The following PLXNC1 variants were observed in gnomAD, a reference collection of about 807,000 sequenced individuals.
PLXNC1 encodes plexin-C1.
Under a neutral mutation model 178.2 loss-of-function variants are expected in PLXNC1, and 75 were observed. The observed-to-expected ratio is 0.42, with a 90% confidence interval of 0.35 to 0.51. The LOEUF is 0.51. Ranked by LOEUF, PLXNC1 falls within the 20% of genes least tolerant of loss-of-function variation. PLXNC1 has a pLI of 0.02. For synonymous variants in PLXNC1, 790 were observed against 779.9 expected (o/e 1.01, Z -0.22); for missense variants, 1,503 against 1,984.4 (o/e 0.76, Z 4.61).
Position 94,306,708 on chromosome 12 carries a change from G to A in PLXNC1, c.*1423G>A, listed in dbSNP as rs968386921. On this transcript the variant is annotated 3_prime_UTR_variant, in exon 31 of 31. Coordinates refer to ENST00000258526, the MANE Select transcript of PLXNC1 (RefSeq NM_005761.3). ...TTTACCAACACTGTATGGAGCATTA[G>A]GATTTAAATATGAATTTGTCTTAAA... is the stretch of plus-strand genomic sequence containing the variant. 3.9e-5 allele frequency: 6 copies of A among 152,088 alleles called. No individual in the cohort carries two copies. Among genetic ancestry groups the A allele is most frequent in the African/African-American group, 1.2e-4 (5 of 41,410 alleles). 9.4% of individuals were successfully genotyped at this position (152,088 alleles called of 1,614,324 possible).
At chr12:94,289,628 T>C (rs751747785) in intron 23 of PLXNC1, among the ~76,000 whole-genome samples, 1 of 152,218 alleles carries the variant, frequency 6.6e-6, no homozygotes, top group Non-Finnish European at 1.5e-5. Context: ...AATGGCATCT[T>C]TTTAACACTC....
In PLXNC1 at chr12:94,297,274, G is replaced by A. The variant is rs201775221; in HGVS notation, c.3967-42G>A. 2.5e-6 allele frequency: 4 copies of A among 1,613,030 alleles called. No individual in the cohort carries two copies. The East Asian group carries it at 6.7e-5, about 27-fold the overall frequency. On this transcript the variant is annotated intron_variant, in intron 25 of 30. Transcript: ENST00000258526. ...CTGAACTGCATGCCTTCTGTAGCAAGAGTGGTCTCCTTGGGTAACGCTTCT... is the reference window on the plus strand; with the variant it reads ...CTGAACTGCATGCCTTCTGTAGCAAAAGTGGTCTCCTTGGGTAACGCTTCT...
At chr12:94,248,890 C>A (rs985133467) in intron 14 of PLXNC1, among the ~76,000 whole-genome samples, 21 of 152,152 alleles carry the variant, frequency 1.4e-4, no homozygotes, top group African/African-American at 4.3e-4. Flanking sequence ...GTCATACTTT[C>A]TGCGATTAAT....
At chr12:94,256,644 A>C (rs1964850120) in intron 17 of PLXNC1, among the ~76,000 whole-genome samples, 1 of 152,228 alleles carries the variant, frequency 6.6e-6, no homozygotes, top group African/African-American at 2.4e-5. Flanking sequence ...ATCCCCATTA[A>C]GAATTTAAAA....
At position 94,275,780 on chromosome 12, in the gene PLXNC1, G is replaced by A. The variant is rs1351451925; in HGVS notation, c.3598-3692G>A. Among the ~76,000 whole-genome samples the A allele has an allele frequency of 8.8e-5, 8 of 91,074 alleles. No homozygotes were observed. The East Asian group carries it at 1.2e-3, about 14-fold the overall frequency. The allele number at this position is 91,074 out of a possible 152,430, so 59.7% of individuals were successfully genotyped here. A position where few individuals can be genotyped will look rare whatever the true frequency, so the allele number is the denominator to read the frequency against. On this transcript the variant is annotated intron_variant, in intron 21 of 30. Coordinates refer to ENST00000258526, the MANE Select transcript of PLXNC1 (RefSeq NM_005761.3). ...TGAGGCAGGAGAATGGCGTGAACCC[G>A]GGAGGCGGAGCTTGCAGTGAGCCGA...
At chr12:94,283,331 G>A (rs950056734) in intron 23 of PLXNC1, among the ~76,000 whole-genome samples, 12 of 152,306 alleles carry the variant, frequency 7.9e-5, no homozygotes, top group African/African-American at 2.2e-4. Flanking sequence ...GAGAGCATGC[G>A]TGTTAGACTA....
chr12:94,160,374 A>G (rs1961336781), intron 1 of PLXNC1, among the ~76,000 whole-genome samples: 1 of 152,184 alleles, frequency 6.6e-6, no homozygotes, highest in Non-Finnish European at 1.5e-5. Context: ...TGTTTTGAGG[A>G]AAAGTAAAAG....
intron 21 of PLXNC1, among the ~76,000 whole-genome samples, chr12:94,276,512 C>G (rs1965971368): frequency 6.6e-6 from 1 of 152,154 alleles, no homozygotes; most frequent in Non-Finnish European, 1.5e-5. Context: ...GCGGGGATGG[C>G]ATAGCCGAGG....
intron 5 of PLXNC1, among the ~76,000 whole-genome samples, chr12:94,219,485 T>A (rs1963730651): frequency 6.6e-6 from 1 of 152,166 alleles, no homozygotes; most frequent in African/African-American, 2.4e-5. Context: ...GTTGGAACAA[T>A]TTTATATTTG....
intron 5 of PLXNC1, 57 bp from the exon 6 acceptor site, chr12:94,219,959 T>C: frequency 3.2e-6 from 5 of 1,562,564 alleles, no homozygotes; most frequent in African/African-American, 1.4e-5. Context: ...TGAGGCTCTA[T>C]GATGGATGGA....
intron 9 of PLXNC1, among the ~76,000 whole-genome samples, chr12:94,233,247 G>A (rs1964156878): frequency 6.6e-6 from 1 of 152,212 alleles, no homozygotes; most frequent in African/African-American, 2.4e-5. Context: ...GGCTTAGTGA[G>A]GCAACTGAGG....
At chr12:94,171,066 G>A (rs938710061) in intron 2 of PLXNC1, among the ~76,000 whole-genome samples, 5 of 152,174 alleles carry the variant, frequency 3.3e-5, no homozygotes, top group African/African-American at 9.7e-5. Context: ...CAACCAAACC[G>A]CTACATGGTG....
At chr12:94,268,588 CTTTT>C (rs61265662) in intron 21 of PLXNC1, among the ~76,000 whole-genome samples, 2 of 90,884 alleles carry the variant, frequency 2.2e-5, no homozygotes, top group East Asian at 3.6e-4. Context: ...AGAATAAGAC[CTTTT>C]TTTTTTTTTT....
rs138183102 is a variant in PLXNC1, at chr12:94,288,387, G to A, written c.3879+5986G>A. Among the ~76,000 whole-genome samples the A allele has an allele frequency of 2.9e-3, 440 of 152,220 alleles. 9 individuals are homozygous for A. The South Asian group carries it at 0.054, about 19-fold the overall frequency. ...TTGAGTCTTAAGTGTTCAGGTCTTC[G>A]CAGTTTCCCACACATTCTTGGTGGC... On this transcript the variant is annotated intron_variant, in intron 23 of 30. Transcript: ENST00000258526.
At chr12:94,208,560 A>G (rs992319775) in intron 4 of PLXNC1, among the ~76,000 whole-genome samples, 1 of 152,166 alleles carries the variant, frequency 6.6e-6, no homozygotes, top group Admixed American at 6.5e-5. Context: ...TGTGGTCATC[A>G]TTTGGTTGCT....
intron 1 of PLXNC1, among the ~76,000 whole-genome samples, chr12:94,154,575 C>T (rs1961090073): frequency 6.6e-6 from 1 of 152,340 alleles, no homozygotes; most frequent in Middle Eastern, 3.4e-3. Context: ...GTGTACATGT[C>T]CACTGCCATG....
At chr12:94,290,660 A>G (rs1467018318) in intron 23 of PLXNC1, among the ~76,000 whole-genome samples, 1 of 152,244 alleles carries the variant, frequency 6.6e-6, no homozygotes, top group Non-Finnish European at 1.5e-5. Flanking sequence ...TGTAACCTGA[A>G]GGAGATTAGG....
intron 2 of PLXNC1, among the ~76,000 whole-genome samples, chr12:94,176,681 G>A (rs1962061859): frequency 1.3e-5 from 2 of 152,106 alleles, no homozygotes; most frequent in African/African-American, 4.8e-5. Context: ...ACCTGGTCTT[G>A]ACTTCCAAGG....
intron 4 of PLXNC1, among the ~76,000 whole-genome samples, chr12:94,189,769 G>T (rs1962656605): frequency 6.6e-6 from 1 of 152,122 alleles, no homozygotes; most frequent in African/African-American, 2.4e-5. Context: ...GAGGGATGGA[G>T]TTATTGGCAA....
Sources: gnomAD v4.1 joint callset for allele counts (sites outside exome capture counted in the v4.1 genomes callset) on GRCh38, gnomAD v4.1.1 for gene constraint, MANE v1.5 for transcripts, NCBI Gene and HGNC (gene_info 2026-07-23, HGNC 2026-07-21) for gene names.